Variants in NRG3 observed in about 807,000 individuals in gnomAD.
NRG3 encodes the protein neuregulin 3, also known as pro-neuregulin-3, membrane-bound isoform.
In NRG3, 31 loss-of-function variants were observed where a neutral mutation model predicts 66.9. The ratio of observed to expected loss-of-function variants is 0.46; its 90% CI spans 0.35 to 0.63. NRG3 has a LOEUF of 0.63. Among genes scored for constraint, NRG3 ranks in the 20% least tolerant of loss-of-function variants. The probability of loss-of-function intolerance (pLI) is 0.00; values close to 1 mark genes in which losing one functional copy is unlikely to be tolerated. For missense variants in NRG3, 910 were observed against 878.9 expected, an observed-to-expected ratio of 1.04 and a Z score of -0.45; for synonymous variants, 393 against 359.4, an observed-to-expected ratio of 1.09 and a Z score of -1.06.
intron 1 of NRG3, among the ~76,000 whole-genome samples, chr10:81,977,875 ATCTTT>A (rs1257526186): frequency 6.6e-6 from 1 of 152,160 alleles, no homozygotes; most frequent in Non-Finnish European, 1.5e-5. Context: ...ATAGTATATC[ATCTTT>A]TCTTTTACTT....
intron 1 of NRG3, among the ~76,000 whole-genome samples, chr10:82,089,868 A>G (rs1366068806): frequency 2.6e-5 from 4 of 152,204 alleles, no homozygotes; most frequent in African/African-American, 9.7e-5. Flanking sequence ...CATAAGCATT[A>G]CACTTATGAA....
At chr10:82,422,479 C>A (rs986146596) in intron 2 of NRG3, among the ~76,000 whole-genome samples, 1 of 151,942 alleles carries the variant, frequency 6.6e-6, no homozygotes, top group Non-Finnish European at 1.5e-5. Context: ...TCCTTTTCTA[C>A]ACACTTTGCA....
intron 2 of NRG3, among the ~76,000 whole-genome samples, chr10:82,622,986 G>C (rs550784623): frequency 2.0e-5 from 3 of 151,296 alleles, no homozygotes; most frequent in Admixed American, 1.3e-4. Context: ...TTTTTTTTCA[G>C]GACATAACCC....
intron 2 of NRG3, among the ~76,000 whole-genome samples, chr10:82,477,979 G>A (rs1051137769): frequency 2.0e-5 from 3 of 152,182 alleles, no homozygotes; most frequent in African/African-American, 4.8e-5. Flanking sequence ...CTCTGTGGTG[G>A]TTGGAATTAA....
chr10:82,296,449 T>A (rs1025125227), intron 1 of NRG3, among the ~76,000 whole-genome samples: 3 of 152,216 alleles, frequency 2.0e-5, no homozygotes, highest in Admixed American at 2.0e-4. Flanking sequence ...GCTAAGATGA[T>A]GGTGGTGGTG....
chr10:82,543,372 T>C (rs1206681729), intron 2 of NRG3, among the ~76,000 whole-genome samples: 1 of 152,078 alleles, frequency 6.6e-6, no homozygotes, highest in Non-Finnish European at 1.5e-5. Context: ...CCTCAAATGA[T>C]TCAGGAAAAA....
At chr10:82,282,104 G>A (rs943568845) in intron 1 of NRG3, among the ~76,000 whole-genome samples, 3 of 151,990 alleles carry the variant, frequency 2.0e-5, no homozygotes, top group African/African-American at 4.8e-5. Flanking sequence ...AGGATAGTGG[G>A]GGCTGTGTCC....
At chr10:82,387,662 C>T (rs917883242) in intron 2 of NRG3, among the ~76,000 whole-genome samples, 2 of 152,182 alleles carry the variant, frequency 1.3e-5, no homozygotes, top group African/African-American at 2.4e-5. Context: ...TAATTCTATA[C>T]ATGCATCAGC....
In NRG3 at chr10:82,163,052, T is replaced by G. The variant is rs571449278; in HGVS notation, c.824-195687T>G. ...TCTTGGCTTTCTCCTGCTTGTGGCT[T>G]AAAGTACCCAAACCATTCAGGCCAG... On this transcript the variant is annotated intron_variant, in intron 1 of 8. Transcript: ENST00000372141. Among the ~76,000 whole-genome samples, 3 of 152,186 alleles carry G rather than the reference T, an allele frequency of 2.0e-5. No individual in the cohort carries two copies. The East Asian group carries it at 5.8e-4, about 29-fold the overall frequency.
chr10:82,231,401 A>C (rs114638508), intron 1 of NRG3, among the ~76,000 whole-genome samples: 1 of 152,136 alleles, frequency 6.6e-6, no homozygotes, highest in Non-Finnish European at 1.5e-5. Flanking sequence ...GGTAACAAAA[A>C]AGGTAATAGA....
intron 6 of NRG3, among the ~76,000 whole-genome samples, chr10:82,965,862 T>C (rs11196666): frequency 0.86 from 131,237 of 152,060 alleles, 56,713 homozygotes; most frequent in Middle Eastern, 0.95. Context: ...GGAGTATGCA[T>C]CTTGAGGGCC....
intron 1 of NRG3, among the ~76,000 whole-genome samples, chr10:82,178,854 T>A (rs1422463904): frequency 6.6e-6 from 1 of 152,112 alleles, no homozygotes; most frequent in Admixed American, 6.6e-5. Context: ...TTCACAGGGG[T>A]TACAGTTTTT....
intron 1 of NRG3, among the ~76,000 whole-genome samples, chr10:82,300,603 C>T (rs867092167): frequency 3.9e-5 from 6 of 152,140 alleles, no homozygotes; most frequent in African/African-American, 1.2e-4. Context: ...AATTACTTAA[C>T]AAATTTGTTT....
intron 4 of NRG3, among the ~76,000 whole-genome samples, chr10:82,870,876 T>A (rs1841280912): frequency 6.6e-6 from 1 of 152,212 alleles, no homozygotes; most frequent in Non-Finnish European, 1.5e-5. Context: ...GGCTTTTCCC[T>A]TTATTCTCTT....
intron 1 of NRG3, among the ~76,000 whole-genome samples, chr10:82,297,718 GTAT>G (rs370159034): frequency 6.6e-6 from 1 of 151,970 alleles, no homozygotes; most frequent in Non-Finnish European, 1.5e-5. Context: ...ATAAATAATT[GTAT>G]TACATTTTAT....
intron 2 of NRG3, among the ~76,000 whole-genome samples, chr10:82,643,324 G>T (rs951269695): frequency 1.5e-4 from 23 of 152,054 alleles, no homozygotes; most frequent in Admixed American, 2.6e-4. Flanking sequence ...GAGTTTCCCT[G>T]CAGAAGCTCT....
intron 1 of NRG3, among the ~76,000 whole-genome samples, chr10:82,107,367 G>A (rs1305237469): frequency 1.3e-5 from 2 of 152,216 alleles, no homozygotes; most frequent in East Asian, 3.8e-4. Flanking sequence ...ATAAGATTTA[G>A]TTGTGACCAT....
At chr10:82,686,876 T>C (rs1050780901) in intron 2 of NRG3, among the ~76,000 whole-genome samples, 1 of 152,330 alleles carries the variant, frequency 6.6e-6, no homozygotes, top group Admixed American at 6.5e-5. Context: ...AAAATGCATA[T>C]TTTAGCTCTG....
At chr10:82,176,148 A>G (rs1003113512) in intron 1 of NRG3, among the ~76,000 whole-genome samples, 1 of 152,188 alleles carries the variant, frequency 6.6e-6, no homozygotes, top group African/African-American at 2.4e-5. Context: ...TGAATCTTCA[A>G]GTTTGTCTAT....
Sources: allele counts gnomAD v4.1 joint callset (sites outside exome capture counted in the v4.1 genomes callset), GRCh38; gene constraint gnomAD v4.1.1; transcripts MANE v1.5; gene names NCBI Gene and HGNC (gene_info 2026-07-23, HGNC 2026-07-21).